MYT1L: variants seen among roughly 807,000 people sequenced by gnomAD.
MYT1L encodes myelin transcription factor 1 like, also known as myelin transcription factor 1-like protein.
MYT1L carries 12 observed loss-of-function variants against 126.7 expected under a neutral mutation model. The observed-to-expected ratio is 0.09, with a 90% CI of 0.06 to 0.15. MYT1L has a LOEUF of 0.15. MYT1L is among the 10% of genes least tolerant of loss of function. The probability of loss-of-function intolerance (pLI) is 1.00; values close to 1 mark genes in which losing one functional copy is unlikely to be tolerated. For missense variants in MYT1L, 979 were observed against 1,585.2 expected, an observed-to-expected ratio of 0.62 and a Z score of 6.49; for synonymous variants, 541 against 604.2, an observed-to-expected ratio of 0.90 and a Z score of 1.53.
Position 1,970,030 on chromosome 2 carries a change from G to A in MYT1L, c.152+9135C>T, listed in dbSNP as rs555832952. Among the ~76,000 whole-genome samples, 4 of 152,328 alleles carry A rather than the reference G, an allele frequency of 2.6e-5. No homozygotes were observed. The East Asian group carries it at 7.7e-4, about 29-fold the overall frequency. On this transcript the variant is annotated intron_variant, in intron 8 of 24. Coordinates refer to ENST00000647738, the MANE Select transcript of MYT1L (RefSeq NM_001303052.2). Reference sequence around the variant, plus strand: ...GAAGCAACGTTATGACCAGGGGATTGTTTCTTTCCTCTAAATCTTTACTAA... The same window carrying A: ...GAAGCAACGTTATGACCAGGGGATTATTTCTTTCCTCTAAATCTTTACTAA...
chr2:1,853,753 A>G (rs1295373198), intron 18 of MYT1L, among the ~76,000 whole-genome samples: 1 of 152,234 alleles, frequency 6.6e-6, no homozygotes, highest in Non-Finnish European at 1.5e-5. Context: ...ATTCATTTTA[A>G]TATGGCTAAA....
intron 3 of MYT1L, among the ~76,000 whole-genome samples, chr2:2,068,536 T>C (rs938469625): frequency 1.3e-5 from 2 of 152,150 alleles, no homozygotes; most frequent in Non-Finnish European, 2.9e-5. Flanking sequence ...ATGCCATCAT[T>C]TAAATCCTCA....
intron 1 of MYT1L, among the ~76,000 whole-genome samples, chr2:2,296,202 T>C (rs931880591): frequency 6.6e-6 from 1 of 152,216 alleles, no homozygotes; most frequent in Non-Finnish European, 1.5e-5. Flanking sequence ...GCAGCTAAAC[T>C]TCCTCCTGTC....
At chr2:1,967,358 C>T (rs2059445679) in intron 8 of MYT1L, among the ~76,000 whole-genome samples, 1 of 152,166 alleles carries the variant, frequency 6.6e-6, no homozygotes, top group African/African-American at 2.4e-5. Flanking sequence ...GCAGTACCCA[C>T]CTGGCCTGTC....
At chr2:2,031,986 C>T (rs2066348092) in intron 4 of MYT1L, among the ~76,000 whole-genome samples, 1 of 143,844 alleles carries the variant, frequency 7.0e-6, no homozygotes, top group Non-Finnish European at 1.5e-5. Flanking sequence ...CAATGTCTCT[C>T]ATCCTGTGGC....
intron 18 of MYT1L, among the ~76,000 whole-genome samples, chr2:1,875,420 T>C (rs1573104299): frequency 1.3e-5 from 2 of 152,350 alleles, no homozygotes; most frequent in South Asian, 2.1e-4. Flanking sequence ...GAGACATGCA[T>C]ACATTTTAAA....
rs2054284347 is a variant in MYT1L, at chr2:1,926,756, C to G, written c.506-3493G>C. Reference sequence around the variant, plus strand: ...GTTTTGCCATGTTGGCCAGGCTGGTCTTGAACTCCTGACCTCAAGTGATCC... The same window carrying G: ...GTTTTGCCATGTTGGCCAGGCTGGTGTTGAACTCCTGACCTCAAGTGATCC... On this transcript the variant is annotated intron_variant, in intron 9 of 24. Transcript: ENST00000647738. Among the ~76,000 whole-genome samples, 13 of 152,302 alleles carry G rather than the reference C, an allele frequency of 8.5e-5. No homozygotes were observed. The South Asian group carries it at 2.7e-3, about 32-fold the overall frequency.
chr2:2,278,694 T>C (rs1439692964), intron 2 of MYT1L, among the ~76,000 whole-genome samples: 2 of 152,240 alleles, frequency 1.3e-5, no homozygotes, highest in Admixed American at 6.5e-5. Context: ...TGTAATATCA[T>C]GTAGATGTTT....
chr2:1,840,029 C>T (rs979874911), intron 20 of MYT1L, among the ~76,000 whole-genome samples: 3 of 152,232 alleles, frequency 2.0e-5, no homozygotes, highest in African/African-American at 4.8e-5. Context: ...CTGGCCTAAG[C>T]GCTCCTCATG....
intron 3 of MYT1L, among the ~76,000 whole-genome samples, chr2:2,168,220 C>T (rs1054792776): frequency 2.5e-4 from 38 of 152,026 alleles, no homozygotes; most frequent in African/African-American, 9.2e-4. Context: ...CCCAGAGGCT[C>T]CAGGTCAGAG....
intron 2 of MYT1L, among the ~76,000 whole-genome samples, chr2:2,174,523 G>A (rs1223420256): frequency 2.0e-5 from 3 of 152,088 alleles, no homozygotes; most frequent in South Asian, 2.1e-4. Context: ...TCAGACCCAC[G>A]TCCTTGTGAG....
chr2:2,092,246 G>A (rs1191405744), intron 3 of MYT1L, among the ~76,000 whole-genome samples: 1 of 152,038 alleles, frequency 6.6e-6, no homozygotes, highest in Admixed American at 6.6e-5. Flanking sequence ...GTCATTGCAG[G>A]GTTGTTCGTT....
In MYT1L at chr2:1,801,895, T is replaced by A. The variant is rs1038076927; in HGVS notation, c.3173-96A>T. The stretch of plus-strand genomic sequence containing the variant: ...TTCTTTGTTCCTTTTATATTCGTAA[T>A]TGAATTTGCTTGGAAAATAGACTCT... On this transcript the variant is annotated intron_variant, in intron 22 of 24. Transcript: ENST00000647738. This position sits in a 1 kb window ranked among gnomAD's most constrained non-coding sequence, Gnocchi z 4.2. The A allele has an allele frequency of 3.0e-5, 21 of 700,946 alleles. No homozygotes were observed. Among genetic ancestry groups the A allele is most frequent in the Non-Finnish European group, 4.6e-5 (20 of 433,568 alleles). 43.4% of individuals were successfully genotyped at this position (700,946 alleles called of 1,614,324 possible). A position where few individuals can be genotyped will look rare whatever the true frequency, so the allele number is the denominator to read the frequency against.
At chr2:2,019,232 T>G (rs2064773012) in intron 4 of MYT1L, among the ~76,000 whole-genome samples, 1 of 152,156 alleles carries the variant, frequency 6.6e-6, no homozygotes, top group African/African-American at 2.4e-5. Context: ...CATGCTGTTC[T>G]TGTGACAGTG....
intron 14 of MYT1L, among the ~76,000 whole-genome samples, chr2:1,901,278 C>T (rs1394542466): frequency 6.6e-6 from 1 of 152,110 alleles, no homozygotes; most frequent in East Asian, 1.9e-4. Flanking sequence ...AACAAAAAAA[C>T]AGGTGCGTAA....
At chr2:2,230,304 T>C (rs527867656) in intron 2 of MYT1L, among the ~76,000 whole-genome samples, 7 of 152,320 alleles carry the variant, frequency 4.6e-5, no homozygotes, top group African/African-American at 1.7e-4. Context: ...AGCTGCAGCG[T>C]CTGTTTCCTT....
intron 2 of MYT1L, among the ~76,000 whole-genome samples, chr2:2,246,458 T>C (rs573111562): frequency 8.3e-4 from 127 of 152,296 alleles, no homozygotes; most frequent in African/African-American, 2.8e-3. Flanking sequence ...AGACGGGTAC[T>C]GAATAGACCT....
chr2:1,841,493 G>A (rs1268119819), intron 19 of MYT1L: 1 of 152,406 alleles, frequency 6.6e-6, no homozygotes, highest in African/African-American at 2.4e-5. Flanking sequence ...AAATTCAGGA[G>A]GAGAGTTCTT....
Position 1,943,097 on chromosome 2 carries a change from C to G in MYT1L, c.390G>C (p.Glu130Asp), listed in dbSNP as rs1236106192. ...CCTCCTCCTCGATCTCCTCCTCCTC[C>G]TCCCGGTCCCCCTCCTCGTCCTCCT... is the stretch of plus-strand genomic sequence containing the variant. ...EDEEDEEGDR[E>D]EEEEIEEEDE... Residue 130 changes from glutamate to aspartate, a missense_variant, in exon 9 of 25, where the codon GAG becomes GAC. Glu to Asp is a conservative substitution (Grantham distance 45). Around this residue, in one of 12 missense-constraint regions of MYT1L, gnomAD observed 111 missense variants for 115.9 expected, o/e 0.96. Transcript: ENST00000647738. The surrounding 1 kb of genome is among the most constrained non-coding windows in gnomAD (Gnocchi z 4.4). The G allele has an allele frequency of 6.8e-7, 1 of 1,470,746 alleles. No individual in the cohort carries two copies. The highest frequency in any genetic ancestry group is 9.3e-7 in the Non-Finnish European group (1 of 1,073,024). The allele number at this position is 1,470,746 out of a possible 1,614,324, so 91.1% of individuals were successfully genotyped here. A position where few individuals can be genotyped will look rare whatever the true frequency, so the allele number is the denominator to read the frequency against.
Sources: gnomAD v4.1 joint callset for allele counts (sites outside exome capture counted in the v4.1 genomes callset) on GRCh38, gnomAD v4.1.1 for gene constraint, gnomAD v4.1.1 regional missense constraint, Gnocchi (gnomAD v3.1) non-coding constraint, MANE v1.5 for transcripts, NCBI Gene and HGNC (gene_info 2026-07-23, HGNC 2026-07-21) for gene names.